The following FOXP2 variants were observed in gnomAD, a reference collection of about 807,000 sequenced individuals.
FOXP2 encodes forkhead box protein P2.
In FOXP2, 12 loss-of-function variants were observed where a neutral mutation model predicts 115.8. The observed-to-expected ratio is 0.10, with a 90% CI of 0.07 to 0.17. FOXP2 has a LOEUF of 0.17. FOXP2 is among the 10% of genes least tolerant of loss of function. FOXP2 has a pLI of 1.00. For synonymous variants in FOXP2, 328 were observed against 297.7 expected, an observed-to-expected ratio of 1.10 and a Z score of -1.05; for missense variants, 629 against 843.5, an observed-to-expected ratio of 0.75 and a Z score of 3.15.
intron 2 of FOXP2, among the ~76,000 whole-genome samples, chr7:114,513,316 T>C (rs909205249): frequency 3.9e-5 from 6 of 152,180 alleles, no homozygotes; most frequent in Admixed American, 3.9e-4. Context: ...CTTTGTGTAA[T>C]GCATTGGGAT....
chr7:114,469,209 T>C (rs1286999895), intron 2 of FOXP2, among the ~76,000 whole-genome samples: 1 of 152,132 alleles, frequency 6.6e-6, no homozygotes, highest in Non-Finnish European at 1.5e-5. Context: ...TATGTGAGTG[T>C]ATGTGTACAT....
chr7:114,389,440 A>G (rs1310203984), intron 2 of FOXP2, among the ~76,000 whole-genome samples: 1 of 152,216 alleles, frequency 6.6e-6, no homozygotes, highest in Non-Finnish European at 1.5e-5. Flanking sequence ...CTTGGGAATC[A>G]ATAGACAAAT....
At chr7:114,651,591 T>C (rs923994222) in intron 8 of FOXP2, among the ~76,000 whole-genome samples, 5 of 152,130 alleles carry the variant, frequency 3.3e-5, no homozygotes, top group African/African-American at 1.2e-4. Context: ...AAAAATAAGA[T>C]TAGGACAAAT....
intron 3 of FOXP2, among the ~76,000 whole-genome samples, chr7:114,548,278 T>C (rs542014930): frequency 1.3e-5 from 2 of 152,334 alleles, no homozygotes; most frequent in South Asian, 2.1e-4. Flanking sequence ...TCTGTTTCTC[T>C]TTCACCATCC....
intron 2 of FOXP2, among the ~76,000 whole-genome samples, chr7:114,441,515 A>T (rs961359833): frequency 6.6e-6 from 1 of 152,170 alleles, no homozygotes; most frequent in Non-Finnish European, 1.5e-5. Flanking sequence ...CAATGATTTT[A>T]AATAAATAAT....
chr7:114,244,928 AT>A (rs1283387212), intron 1 of FOXP2, among the ~76,000 whole-genome samples: 2 of 151,588 alleles, frequency 1.3e-5, no homozygotes, highest in Admixed American at 6.6e-5. Flanking sequence ...CGCCCGGCTA[AT>A]TTTTTTGTAT....
At chr7:114,221,762 A>T (rs1007782638) in intron 1 of FOXP2, among the ~76,000 whole-genome samples, 1 of 152,204 alleles carries the variant, frequency 6.6e-6, no homozygotes, top group Non-Finnish European at 1.5e-5. Context: ...AGACTTTTAA[A>T]CTGAATGACT....
chr7:114,494,854 T>A (rs1357560527), intron 2 of FOXP2, among the ~76,000 whole-genome samples: 1 of 152,202 alleles, frequency 6.6e-6, no homozygotes, highest in East Asian at 1.9e-4. Context: ...GGAATGATGC[T>A]TAACTTCTCT....
chr7:114,319,157 G>A (rs1797345726), intron 2 of FOXP2, among the ~76,000 whole-genome samples: 1 of 151,480 alleles, frequency 6.6e-6, no homozygotes, highest in South Asian at 2.1e-4. Context: ...CCTGTGATGG[G>A]GGGTTGGGGG....
chr7:114,218,051 T>A (rs974062235), intron 1 of FOXP2, among the ~76,000 whole-genome samples: 3 of 152,158 alleles, frequency 2.0e-5, no homozygotes, highest in Non-Finnish European at 2.9e-5. Flanking sequence ...ATACCTTTAC[T>A]ACATTACAGT....
intron 1 of FOXP2, among the ~76,000 whole-genome samples, chr7:114,267,250 C>T (rs997614916): frequency 6.6e-6 from 1 of 152,130 alleles, no homozygotes; most frequent in African/African-American, 2.4e-5. Context: ...TTTACTAAGT[C>T]TTTTCTTTAT....
At chr7:114,273,349 T>C (rs1197516796) in intron 1 of FOXP2, among the ~76,000 whole-genome samples, 1 of 152,038 alleles carries the variant, frequency 6.6e-6, no homozygotes, top group Non-Finnish European at 1.5e-5. Flanking sequence ...AGATGTGTTT[T>C]ATGACTGTGA....
chr7:114,661,518 C>T (rs1806859597), intron 13 of FOXP2, among the ~76,000 whole-genome samples: 2 of 152,038 alleles, frequency 1.3e-5, no homozygotes, highest in East Asian at 1.9e-4. Context: ...GCAGGCAGAA[C>T]GTTACACTGT....
At chr7:114,369,478 C>A (rs1400691621) in intron 2 of FOXP2, among the ~76,000 whole-genome samples, 2 of 152,070 alleles carry the variant, frequency 1.3e-5, no homozygotes, top group Non-Finnish European at 1.5e-5. Context: ...CCATCACCTG[C>A]ACCTTCTTGT....
intron 1 of FOXP2, among the ~76,000 whole-genome samples, chr7:114,274,585 G>T (rs1796138310): frequency 3.9e-5 from 3 of 77,512 alleles, no homozygotes; most frequent in Admixed American, 2.9e-4. Context: ...TTCTGGATTG[G>T]TTTTTTCCCT....
intron 10 of FOXP2, chr7:114,656,535 A>C (rs12531344): frequency 0.048 from 21,409 of 446,112 alleles, 1,879 homozygotes; most frequent in East Asian, 0.35. Flanking sequence ...AGCTTACACC[A>C]GTGGCTTTGT....
intron 3 of FOXP2, chr7:114,538,288 GA>G: frequency 2.4e-6 from 3 of 1,268,130 alleles, no homozygotes; most frequent in Non-Finnish European, 3.1e-6. Context: ...GTTTAGATAT[GA>G]AAATTGGTCG....
chr7:114,158,918 T>A (rs529354877), upstream of FOXP2, among the ~76,000 whole-genome samples: 3 of 152,024 alleles, frequency 2.0e-5, no homozygotes, highest in Non-Finnish European at 2.9e-5. Flanking sequence ...ACAAAAAGAC[T>A]TGGGTTGGGT....
At chr7:114,146,580 A>G (rs1335280304) in intron 1 of FOXP2, among the ~76,000 whole-genome samples, 2 of 152,240 alleles carry the variant, frequency 1.3e-5, no homozygotes, top group Non-Finnish European at 2.9e-5. Context: ...GTCATTCATC[A>G]GAAGAATTTT....
Sources: gnomAD v4.1 joint callset for allele counts (sites outside exome capture counted in the v4.1 genomes callset) on GRCh38, gnomAD v4.1.1 for gene constraint, MANE v1.5 for transcripts, NCBI Gene and HGNC (gene_info 2026-07-23, HGNC 2026-07-21) for gene names.